Variants in ACER3 observed in about 807,000 individuals in gnomAD.
The protein encoded by ACER3 is alkaline ceramidase 3.
ACER3 carries 16 observed loss-of-function variants against 48.9 expected under a neutral mutation model. The ratio of observed to expected loss-of-function variants is 0.33; its 90% confidence interval spans 0.22 to 0.50. ACER3 has a LOEUF of 0.50. Among genes scored for constraint, ACER3 ranks in the 20% least tolerant of loss-of-function variants. ACER3 has a pLI of 0.98. For missense variants in ACER3, 227 were observed against 326.0 expected (o/e 0.70, Z 2.34); for synonymous variants, 109 against 107.8 (o/e 1.01, Z -0.07).
At chr11:76,984,312 T>C (rs1948644869) in intron 4 of ACER3, among the ~76,000 whole-genome samples, 1 of 152,212 alleles carries the variant, frequency 6.6e-6, no homozygotes, top group African/African-American at 2.4e-5. Flanking sequence ...TTTGGTTTCT[T>C]AACAGATAAC....
At chr11:76,976,479 A>G (rs1356412272) in intron 4 of ACER3, 138 bp downstream of exon 4, 3 of 543,034 alleles carry the variant, frequency 5.5e-6, no homozygotes, top group South Asian at 2.9e-5. Context: ...TGATATCAAT[A>G]TAGAGTATAA....
At chr11:76,960,127 T>A (rs566386674) in intron 3 of ACER3, among the ~76,000 whole-genome samples, 1 of 152,192 alleles carries the variant, frequency 6.6e-6, no homozygotes, top group South Asian at 2.1e-4. Flanking sequence ...TATATTTTAT[T>A]TGGCTGGGCG....
chr11:76,935,153 G>C (rs1292190913), intron 2 of ACER3, among the ~76,000 whole-genome samples: 1 of 151,932 alleles, frequency 6.6e-6, no homozygotes, highest in Non-Finnish European at 1.5e-5. Flanking sequence ...ATATTTAATA[G>C]GGGCTGTTGT....
intron 2 of ACER3, among the ~76,000 whole-genome samples, chr11:76,940,342 C>A (rs1038691909): frequency 2.6e-5 from 4 of 151,932 alleles, no homozygotes; most frequent in Non-Finnish European, 5.9e-5. Flanking sequence ...AATGCGTAAA[C>A]CTAATTTAAG....
At position 76,996,765 on chromosome 11, in the gene ACER3, G is replaced by A. The variant is rs565898479; in HGVS notation, c.439-1998G>A. Among the ~76,000 whole-genome samples, 39 of 138,030 alleles carry A rather than the reference G, an allele frequency of 2.8e-4. No individual in the cohort carries two copies. In the East Asian group the frequency reaches 6.5e-3, roughly 23 times the overall value. The allele number at this position is 138,030 out of a possible 152,430, so 90.6% of individuals were successfully genotyped here. ...TTCTGAGACAGAGTCTTGCTCTGTC[G>A]CCCAGGCTAGAGTGCAGTGGTGCAA... On this transcript the variant is annotated intron_variant, in intron 6 of 10. Transcript: ENST00000532485.
At chr11:76,952,305 G>T (rs1365243380) in intron 2 of ACER3, among the ~76,000 whole-genome samples, 4 of 147,644 alleles carry the variant, frequency 2.7e-5, no homozygotes, top group African/African-American at 7.5e-5. Context: ...TGTCGCCTAA[G>T]CTGGAGTGCA....
chr11:76,914,661 A>C (rs888692970), intron 1 of ACER3, among the ~76,000 whole-genome samples: 8 of 152,230 alleles, frequency 5.3e-5, no homozygotes, highest in Admixed American at 2.6e-4. Context: ...ATCTAGATCT[A>C]GAAATACCAT....
intron 2 of ACER3, among the ~76,000 whole-genome samples, chr11:76,944,357 T>C (rs537124657): frequency 3.9e-5 from 6 of 152,192 alleles, no homozygotes; most frequent in Non-Finnish European, 1.5e-5. Flanking sequence ...TTCGTTTCCA[T>C]GTTTTAGACT....
In ACER3 at chr11:77,019,719, C is replaced by G; in HGVS notation, c.705-12C>G. The G allele has an allele frequency of 6.2e-7, 1 of 1,613,810 alleles. No homozygotes were observed. The highest frequency in any genetic ancestry group is 8.5e-7 in the Non-Finnish European group (1 of 1,179,718). Reference sequence around the variant, plus strand: ...AATCTGAAAAGCTTTCCCCCTCCCACTTTTCTTTCAGTTTGTATACAAGAA... The same window carrying G: ...AATCTGAAAAGCTTTCCCCCTCCCAGTTTTCTTTCAGTTTGTATACAAGAA... On this transcript the variant is annotated splice_polypyrimidine_tract_variant and intron_variant, in intron 9 of 10. Coordinates refer to ENST00000532485, the MANE Select transcript of ACER3 (RefSeq NM_018367.7).
intron 2 of ACER3, among the ~76,000 whole-genome samples, chr11:76,936,595 A>C (rs1466332394): frequency 6.6e-6 from 1 of 152,118 alleles, no homozygotes; most frequent in Non-Finnish European, 1.5e-5. Context: ...ATTAAAAAAT[A>C]AAGTCGCTTT....
intron 7 of ACER3, among the ~76,000 whole-genome samples, chr11:77,005,992 T>TATATATA (rs1491403985): frequency 8.5e-5 from 6 of 70,582 alleles, no homozygotes; most frequent in East Asian, 6.0e-4. Context: ...TATATATATA[T>TATATATA]TTTTTTTTTT....
chr11:77,001,239 GA>G (rs1555019720), intron 7 of ACER3, among the ~76,000 whole-genome samples: 1 of 151,878 alleles, frequency 6.6e-6, no homozygotes, highest in African/African-American at 2.4e-5. Context: ...TTTTCTTGTA[GA>G]TTTTTTTGTT....
chr11:76,949,140 A>C (rs1488654007), intron 2 of ACER3, among the ~76,000 whole-genome samples: 1 of 152,220 alleles, frequency 6.6e-6, no homozygotes, highest in African/African-American at 2.4e-5. Flanking sequence ...TAGTTTGCCA[A>C]GATATCTGAA....
At chr11:77,012,683 C>T (rs1167553017) in intron 7 of ACER3, among the ~76,000 whole-genome samples, 2 of 152,096 alleles carry the variant, frequency 1.3e-5, no homozygotes, top group African/African-American at 4.8e-5. Flanking sequence ...GACAAATAGA[C>T]AGATACACCA....
chr11:77,021,766 G>T lies in ACER3; in HGVS notation c.*1439G>T, dbSNP rs1380943979. On this transcript the variant is annotated 3_prime_UTR_variant, in exon 11 of 11. Transcript: ENST00000532485. ...TTCCAGTATTCAATAAGTAGCCTTT[G>T]TACAAATTTAAAACCAAAAACTATT... 2.6e-5 allele frequency: 4 copies of T among 152,078 alleles called. No individual in the cohort carries two copies. Among genetic ancestry groups the T allele is most frequent in the Non-Finnish European group, 5.9e-5 (4 of 67,990 alleles). The allele number at this position is 152,078 out of a possible 1,614,324, so 9.4% of individuals were successfully genotyped here.
Position 76,861,008 on chromosome 11 carries a change from G to A in ACER3, c.32G>A (p.Trp11Ter). The change falls in exon 1 of 11, where the codon TGG (tryptophan) becomes TAG (stop). Residue 11 changes from tryptophan (W) to a stop codon, truncating the protein, a stop_gained. Transcript: ENST00000532485. LOFTEE classifies it high-confidence loss of function. MAPAADREGYWGPTTSTLDWC... is the reference protein window; with the variant it reads MAPAADREGY ...CCGGCCGCGGACCGAGAGGGCTACT[G>A]GGGCCCCACGACCTCCACGCTGGAC... 6.5e-7 allele frequency: 1 copy of A among 1,546,528 alleles called. No homozygotes were observed.
At chr11:76,877,567 G>C (rs1183498529) in intron 1 of ACER3, among the ~76,000 whole-genome samples, 1 of 151,408 alleles carries the variant, frequency 6.6e-6, no homozygotes, top group African/African-American at 2.4e-5. Flanking sequence ...ATCTGTCTTT[G>C]TCTCCTGAAA....
rs1949534257 is a variant in ACER3 at position 77,025,362 on chromosome 11, A to G, written c.*5035A>G. ...GGCTGCGTTGTATGGCCTGCAAGGT[A>G]AGAATGGTTATTTTATTTTATTTTA... On this transcript the variant is annotated 3_prime_UTR_variant, in exon 11 of 11. Transcript: ENST00000532485. 1 of 146,182 alleles carries G rather than the reference A, an allele frequency of 6.8e-6. No homozygotes were observed. The highest frequency in any genetic ancestry group is 1.5e-5 in the Non-Finnish European group (1 of 67,416). 9.1% of individuals were successfully genotyped at this position (146,182 alleles called of 1,614,324 possible).
At position 76,917,700 on chromosome 11, in the gene ACER3, A is replaced by T. The variant is rs192590464; in HGVS notation, c.104-8857A>T. Among the ~76,000 whole-genome samples, 168 of 151,342 alleles carry T rather than the reference A, an allele frequency of 1.1e-3. 1 individual carries two copies. Among genetic ancestry groups the T allele is most frequent in the African/African-American group, 3.3e-3 (136 of 41,282 alleles). ...AGGGATACCTTGTCTCTACAGAAAAATTTTTTTTTAATTAGCCAGGAGTGG... is the reference window on the plus strand; with the variant it reads ...AGGGATACCTTGTCTCTACAGAAAATTTTTTTTTTAATTAGCCAGGAGTGG... On this transcript the variant is annotated intron_variant, in intron 1 of 10. Coordinates refer to ENST00000532485, the MANE Select transcript of ACER3 (RefSeq NM_018367.7).
Sources: gnomAD v4.1 joint callset for allele counts (sites outside exome capture counted in the v4.1 genomes callset) on GRCh38, gnomAD v4.1.1 for gene constraint, MANE v1.5 for transcripts, NCBI Gene and HGNC (gene_info 2026-07-23, HGNC 2026-07-21) for gene names.